SLAMF6: variants seen among roughly 807,000 people sequenced by gnomAD.
The protein encoded by SLAMF6 is NK-T-B-antigen.
Under a neutral mutation model 38.3 loss-of-function variants are expected in SLAMF6, and 21 were observed. The ratio of observed to expected loss-of-function variants is 0.55; its 90% CI spans 0.39 to 0.79. The LOEUF (loss-of-function observed/expected upper bound fraction) is 0.79. Ranked by LOEUF, SLAMF6 falls within the 30% of genes least tolerant of loss-of-function variation. SLAMF6 has a pLI of 0.00. For missense variants in SLAMF6, 341 were observed against 385.3 expected, an observed-to-expected ratio of 0.89 and a Z score of 0.96; for synonymous variants, 152 against 146.3, an observed-to-expected ratio of 1.04 and a Z score of -0.28.
At chr1:160,516,112 C>T (rs1654730432) in intron 1 of SLAMF6, among the ~76,000 whole-genome samples, 1 of 152,150 alleles carries the variant, frequency 6.6e-6, no homozygotes, top group South Asian at 2.1e-4. Flanking sequence ...ACCCCATCAT[C>T]TCAGCCCAAA....
chr1:160,512,469 TC>T lies in SLAMF6; in HGVS notation c.49+10674del, dbSNP rs377143808. Reference sequence around the variant, plus strand: ...ATCTGGGCAGTCTGGATAAGTAGGATCCCCCCCACCACAGCACATCCTTTCT... The same window carrying T: ...ATCTGGGCAGTCTGGATAAGTAGGATCCCCCCACCACAGCACATCCTTTCT... On this transcript the variant is annotated intron_variant, in intron 1 of 7. Transcript: ENST00000368057. Among the ~76,000 whole-genome samples the T allele has an allele frequency of 1.7e-3, 252 of 151,910 alleles. 1 individual carries two copies. The highest frequency in any genetic ancestry group is 5.8e-3 in the African/African-American group (240 of 41,418).
Position 160,520,395 on chromosome 1 carries a change from C to G in SLAMF6, c.49+2749G>C, listed in dbSNP as rs867372270. ...ACTGAAGTCCATTGGAATTTAGAAC[C>G]TTGCTGCTTAGTGTGGTCCATGGAC... On this transcript the variant is annotated intron_variant, in intron 1 of 7. Transcript: ENST00000368057. 4.6e-5 allele frequency among the ~76,000 whole-genome samples: 7 copies of G among 152,276 alleles called. No individual in the cohort carries two copies. The South Asian group carries it at 1.5e-3, about 32-fold the overall frequency.
chr1:160,503,849 T>C (rs936958250), intron 1 of SLAMF6, among the ~76,000 whole-genome samples: 21 of 151,740 alleles, frequency 1.4e-4, no homozygotes, highest in Non-Finnish European at 2.7e-4. Flanking sequence ...CTGGCCAACA[T>C]GGTGAAACCC....
chr1:160,520,466 T>A (rs888822443), intron 1 of SLAMF6, among the ~76,000 whole-genome samples: 5 of 152,176 alleles, frequency 3.3e-5, no homozygotes, highest in African/African-American at 1.2e-4. Flanking sequence ...ATGCAGAATC[T>A]CAGTCCCTAT....
chr1:160,497,534 A>G (rs1263898814), intron 1 of SLAMF6, among the ~76,000 whole-genome samples: 1 of 152,082 alleles, frequency 6.6e-6, no homozygotes, highest in Non-Finnish European at 1.5e-5. Flanking sequence ...TTTATTTTAG[A>G]TATGGGGGTA....
At chr1:160,496,962 T>C (rs1445024992) in intron 1 of SLAMF6, among the ~76,000 whole-genome samples, 2 of 152,164 alleles carry the variant, frequency 1.3e-5, no homozygotes, top group Non-Finnish European at 2.9e-5. Flanking sequence ...TATTATTACT[T>C]CCATTTATAG....
chr1:160,490,189 A>C lies in SLAMF6; in HGVS notation c.796+9T>G. ...TTTATGATGGAGAGTTAAGAGTCTGAATGCTCACCGGGGCCCTGTGTTCGC... is the reference window on the plus strand; with the variant it reads ...TTTATGATGGAGAGTTAAGAGTCTGCATGCTCACCGGGGCCCTGTGTTCGC... On this transcript the variant is annotated intron_variant, in intron 5 of 7. Coordinates refer to ENST00000368057, the MANE Select transcript of SLAMF6 (RefSeq NM_001184714.2). 2 of 1,613,694 alleles carry C rather than the reference A, an allele frequency of 1.2e-6. No homozygotes were observed. Among genetic ancestry groups the C allele is most frequent in the Non-Finnish European group, 1.7e-6 (2 of 1,179,704 alleles).
intron 7 of SLAMF6, 119 bp downstream of exon 7, chr1:160,486,985 G>T (rs572582114): frequency 2.4e-5 from 24 of 990,230 alleles, no homozygotes; most frequent in Non-Finnish European, 3.7e-5. Flanking sequence ...GAGACTTTCC[G>T]CATGCTGCTG....
At chr1:160,511,766 G>A (rs1654484143) in intron 1 of SLAMF6, among the ~76,000 whole-genome samples, 1 of 152,148 alleles carries the variant, frequency 6.6e-6, no homozygotes, top group African/African-American at 2.4e-5. Flanking sequence ...CCACTGAGAA[G>A]AACGAAAACA....
At position 160,493,702 on chromosome 1, in the gene SLAMF6, C is replaced by T. The variant is rs73012479; in HGVS notation, c.383-2314G>A. Among the ~76,000 whole-genome samples, 1,420 of 152,186 alleles carry T rather than the reference C, an allele frequency of 9.3e-3. 17 individuals carry two copies. Among genetic ancestry groups the T allele is most frequent in the African/African-American group, 0.032 (1,324 of 41,526 alleles). ...AGGCAGTTGTATTAGTTTGTTTTCACGATACTATAAAGATACTACTCAAGA... is the reference window on the plus strand; with the variant it reads ...AGGCAGTTGTATTAGTTTGTTTTCATGATACTATAAAGATACTACTCAAGA... On this transcript the variant is annotated intron_variant, in intron 2 of 7. Coordinates refer to ENST00000368057, the MANE Select transcript of SLAMF6 (RefSeq NM_001184714.2).
At chr1:160,492,754 A>T (rs2102021240) in intron 2 of SLAMF6, among the ~76,000 whole-genome samples, 1 of 152,246 alleles carries the variant, frequency 6.6e-6, no homozygotes, top group African/African-American at 2.4e-5. Flanking sequence ...TGACTTGTTG[A>T]CAACTGCATC....
chr1:160,507,618 A>G (rs918202581), intron 1 of SLAMF6, among the ~76,000 whole-genome samples: 8 of 152,184 alleles, frequency 5.3e-5, no homozygotes, highest in African/African-American at 1.9e-4. Context: ...AGTCGTTCTC[A>G]TAGGACAGAC....
At position 160,486,776 on chromosome 1, in the gene SLAMF6, G is replaced by A. The variant is rs558811738; in HGVS notation, c.952-22C>T. ...TACTCTGTGGGAAAAAGAGGAAGAT[G>A]AGGTAGGTTAATTGGAACTGGAACC... is the stretch of plus-strand genomic sequence containing the variant. On this transcript the variant is annotated intron_variant, in intron 7 of 7. Transcript: ENST00000368057. 1.8e-4 allele frequency: 286 copies of A among 1,613,728 alleles called. 5 individuals carry two copies. The South Asian group carries it at 2.4e-3, about 14-fold the overall frequency.
chr1:160,486,695 C>G lies in SLAMF6; in HGVS notation c.*12G>C, dbSNP rs1359162261. ...GTGTCATTCCCGAATTCCTCTGAGGCCTTTCAGCAACTTACACGACATTGT... is the reference window on the plus strand; with the variant it reads ...GTGTCATTCCCGAATTCCTCTGAGGGCTTTCAGCAACTTACACGACATTGT... On this transcript the variant is annotated 3_prime_UTR_variant, in exon 8 of 8. Transcript: ENST00000368057. 3.7e-6 allele frequency: 6 copies of G among 1,613,238 alleles called. No individual in the cohort carries two copies. The highest frequency in any genetic ancestry group is 1.3e-5 in the African/African-American group (1 of 74,864).
Position 160,491,272 on chromosome 1 carries a change from C to T in SLAMF6, c.499G>A (p.Glu167Lys). The stretch of plus-strand genomic sequence containing the variant: ...CTTGAAAGTGTGTTTCCCAAGGCCT[C>T]CCATCTGAATGAGACATTGTCATCT... Reference protein sequence around the residue: ...DADDNVSFRWEALGNTLSSQP... With the variant: ...DADDNVSFRWKALGNTLSSQP... The change falls in exon 3 of 8, where the codon GAG becomes AAG. Residue 167 changes from glutamate to lysine, a missense_variant. By Grantham distance (56) the Glu-to-Lys change is moderately conservative (BLOSUM62 1). Transcript: ENST00000368057. The T allele has an allele frequency of 6.2e-7, 1 of 1,614,048 alleles. No homozygotes were observed. The highest frequency in any genetic ancestry group is 1.7e-5 in the Admixed American group (1 of 59,994).
chr1:160,505,552 C>T (rs1654139036), intron 1 of SLAMF6, among the ~76,000 whole-genome samples: 1 of 152,130 alleles, frequency 6.6e-6, no homozygotes, highest in Admixed American at 6.6e-5. Context: ...CAGGCACATG[C>T]CACCATCCCT....
In SLAMF6 at chr1:160,523,162, C is replaced by T; in HGVS notation, c.31G>A (p.Val11Ile). The stretch of plus-strand genomic sequence containing the variant: ...CATTTACCTGGGCCAAAGCAGAAGA[C>T]AAACAGGAGCGATTGGAACAGCCAC... MLWLFQSLLF[V>I]FCFGPGNVVS... Residue 11 changes from valine to isoleucine, a missense_variant, in exon 1 of 8, where the codon GTC becomes ATC. By Grantham distance (29) the Val-to-Ile change is conservative. Transcript: ENST00000368057. The T allele has an allele frequency of 6.2e-7, 1 of 1,613,844 alleles. No homozygotes were observed. The highest frequency in any genetic ancestry group is 1.1e-5 in the South Asian group (1 of 91,042).
chr1:160,490,464 G>A, intron 4 of SLAMF6, 111 bp downstream of exon 4: 1 of 1,455,464 alleles, frequency 6.9e-7, no homozygotes, highest in Non-Finnish European at 9.3e-7. Flanking sequence ...AGGGTTTGCA[G>A]CCTCCCTCCC....
intron 1 of SLAMF6, among the ~76,000 whole-genome samples, chr1:160,507,262 A>T (rs1471280999): frequency 1.3e-5 from 2 of 152,284 alleles, no homozygotes; most frequent in Middle Eastern, 3.4e-3. Context: ...TGGCAAATAG[A>T]CTTTAAGTCA....
Sources: allele counts gnomAD v4.1 joint callset (sites outside exome capture counted in the v4.1 genomes callset), GRCh38; gene constraint gnomAD v4.1.1; transcripts MANE v1.5; gene names NCBI Gene and HGNC (gene_info 2026-07-23, HGNC 2026-07-21).